NAA38: variants seen among roughly 807,000 people sequenced by gnomAD.
The protein encoded by NAA38 is LSM domain containing 1.
A neutral mutation model predicts 12.6 loss-of-function variants in NAA38; 15 were observed. The ratio of observed to expected loss-of-function variants is 1.19; its 90% CI spans 0.79 to 1.83. NAA38 has a LOEUF of 1.83. Ranked by LOEUF, NAA38 falls within the 40% of genes most tolerant of loss-of-function variation. The pLI is 0.00. For missense variants in NAA38, 183 were observed against 171.7 expected (o/e 1.07, Z -0.37); for synonymous variants, 88 against 69.9 (o/e 1.26, Z -1.29).
chr17:7,858,742 A>G (rs2078856889), upstream of NAA38: 3 of 1,604,122 alleles, frequency 1.9e-6, no homozygotes, highest in Non-Finnish European at 2.6e-6. Context: ...CAGGGGTCGT[A>G]TTATGAGGTG....
chr17:7,860,144 C>G (rs1567813875), upstream of NAA38: 1 of 150,042 alleles, frequency 6.7e-6, no homozygotes, highest in African/African-American at 2.6e-5. Context: ...CTTCATATAC[C>G]CTCTTTTTTT....
At chr17:7,884,476 A>ATG (rs1491301091) in intron 1 of NAA38, among the ~76,000 whole-genome samples, 1 of 126,612 alleles carries the variant, frequency 7.9e-6, no homozygotes, top group African/African-American at 2.7e-5. Context: ...ATATATATAT[A>ATG]TGTATATATA....
At chr17:7,859,638 CTCAAGACG>C (rs778606811), upstream of NAA38, 8 of 1,603,878 alleles carry the variant, frequency 5.0e-6, no homozygotes, top group Non-Finnish European at 6.0e-6. Flanking sequence ...CTCGTGTAGA[CTCAAGACG>C]TATTTCGAGT....
chr17:7,865,047 C>T (rs1357047792), intron 3 of NAA38: 1 of 152,102 alleles, frequency 6.6e-6, no homozygotes, highest in East Asian at 1.9e-4. Flanking sequence ...CCTGTACATA[C>T]ACATACCTAT....
At chr17:7,858,926 G>GTA, upstream of NAA38, 1 of 1,115,968 alleles carries the variant, frequency 9.0e-7, no homozygotes, top group Non-Finnish European at 1.2e-6. Context: ...CGGTGGGAGT[G>GTA]TATTTTCTGT....
At chr17:7,871,558 G>A (rs924112196) in intron 2 of NAA38, among the ~76,000 whole-genome samples, 4 of 152,050 alleles carry the variant, frequency 2.6e-5, no homozygotes, top group South Asian at 2.1e-4. Context: ...TACTCCTGCT[G>A]TAATACAATA....
At chr17:7,857,359 C>G (rs2078833267) in intron 1 of NAA38, 24 bp downstream of exon 1, 2 of 1,613,096 alleles carry the variant, frequency 1.2e-6, no homozygotes, top group Non-Finnish European at 1.7e-6. Flanking sequence ...GCCCCTCAGT[C>G]CCAGAACCAG....
chr17:7,859,616 A>G (rs1413810956), upstream of NAA38: 2 of 1,613,388 alleles, frequency 1.2e-6, no homozygotes, highest in African/African-American at 2.7e-5. Flanking sequence ...GTTGTAGGCA[A>G]GGAGATGTAC....
chr17:7,881,185 T>C (rs1967265557), intron 2 of NAA38, among the ~76,000 whole-genome samples: 1 of 152,044 alleles, frequency 6.6e-6, no homozygotes, highest in Admixed American at 6.6e-5. Flanking sequence ...GGGAGAAGGA[T>C]GGGAGACAGG....
intron 2 of NAA38, among the ~76,000 whole-genome samples, chr17:7,883,027 C>G (rs1196335223): frequency 1.3e-5 from 2 of 152,214 alleles, no homozygotes; most frequent in East Asian, 1.9e-4. Context: ...GAGGGTAGAA[C>G]TGAGCTATTT....
At chr17:7,875,171 G>C (rs1253127399) in intron 2 of NAA38, among the ~76,000 whole-genome samples, 1 of 151,832 alleles carries the variant, frequency 6.6e-6, no homozygotes, top group Non-Finnish European at 1.5e-5. Context: ...CTCCAGCCTG[G>C]GTGACAAAGC....
intron 1 of NAA38, 81 bp from the exon 2 acceptor site, chr17:7,857,279 G>A: frequency 1.9e-6 from 3 of 1,610,306 alleles, no homozygotes; most frequent in Non-Finnish European, 2.5e-6. Context: ...CAGCCCGCGG[G>A]GCACTCACAC....
intron 2 of NAA38, among the ~76,000 whole-genome samples, chr17:7,867,595 G>A (rs1461830965): frequency 1.3e-5 from 2 of 152,230 alleles, no homozygotes; most frequent in African/African-American, 2.4e-5. Context: ...GCCTCCCACA[G>A]TGCTGGGATT....
At chr17:7,866,250 CTAAT>C (rs1966974270) in intron 3 of NAA38, among the ~76,000 whole-genome samples, 1 of 126,168 alleles carries the variant, frequency 7.9e-6, no homozygotes, top group African/African-American at 3.3e-5. Context: ...CCAAGCCCGG[CTAAT>C]TTTTTTTTTT....
chr17:7,865,019 T>C (rs1284402250), intron 3 of NAA38: 1 of 152,180 alleles, frequency 6.6e-6, no homozygotes, highest in East Asian at 1.9e-4. Context: ...TTTTGGGTGT[T>C]TGATTAGGGA....
chr17:7,873,856 T>C lies in NAA38; in HGVS notation c.-65-7298A>G, dbSNP rs552078084. Among the ~76,000 whole-genome samples the C allele has an allele frequency of 1.3e-4, 20 of 152,312 alleles. 1 individual carries two copies. In the South Asian group the frequency reaches 3.7e-3, roughly 28 times the overall value. On this transcript the variant is annotated intron_variant, in intron 2 of 4. Transcript: ENST00000576861. ...ATCCATTATGATATTAAAATGAACA[T>C]AGGTATCCTTTTCTTTAAAATGAAC...
intron 2 of NAA38, among the ~76,000 whole-genome samples, chr17:7,878,309 T>G (rs1336287590): frequency 6.6e-6 from 1 of 152,020 alleles, no homozygotes; most frequent in Non-Finnish European, 1.5e-5. Flanking sequence ...GTTTCCTCCT[T>G]GATAAAATCA....
chr17:7,859,859 G>A (rs1040498183), upstream of NAA38: 4 of 504,178 alleles, frequency 7.9e-6, no homozygotes, highest in South Asian at 6.6e-5. Context: ...GGTTTAGGGA[G>A]ATGTAGAAGA....
intron 2 of NAA38, among the ~76,000 whole-genome samples, chr17:7,867,683 A>T (rs951722775): frequency 1.1e-4 from 17 of 152,196 alleles, no homozygotes; most frequent in Non-Finnish European, 2.4e-4. Context: ...TGCATTTTCA[A>T]AAGGTGACTT....
Sources: allele counts gnomAD v4.1 joint callset (sites outside exome capture counted in the v4.1 genomes callset), GRCh38; gene constraint gnomAD v4.1.1; transcripts MANE v1.5; gene names NCBI Gene and HGNC (gene_info 2026-07-23, HGNC 2026-07-21).